The following CNOT1 variants were observed in gnomAD, a reference collection of about 807,000 sequenced individuals.
CNOT1 encodes the protein CCR4-associated factor 1.
A neutral mutation model predicts 273.8 loss-of-function variants in CNOT1; 15 were observed. That is an observed-to-expected ratio of 0.05 (90% confidence interval 0.04 to 0.08). The LOEUF is 0.08. CNOT1 is among the 10% of genes least tolerant of loss of function. The probability of loss-of-function intolerance (pLI) is 1.00; values close to 1 mark genes in which losing one functional copy is unlikely to be tolerated. For missense variants in CNOT1, 1,644 were observed against 2,912.2 expected, an observed-to-expected ratio of 0.56 and a Z score of 10.02; for synonymous variants, 1,022 against 1,005.5, an observed-to-expected ratio of 1.02 and a Z score of -0.31.
intron 44 of CNOT1, among the ~76,000 whole-genome samples, chr16:58,526,459 C>T (rs1255481280): frequency 2.1e-5 from 3 of 141,908 alleles, no homozygotes; most frequent in African/African-American, 8.2e-5. Context: ...CCTCACTCAC[C>T]AAGAGTCTTT....
intron 37 of CNOT1, 24 bp from the exon 38 acceptor site, chr16:58,538,084 T>G: frequency 6.2e-7 from 1 of 1,614,162 alleles, no homozygotes; most frequent in Non-Finnish European, 8.5e-7. Flanking sequence ...AAACATAATG[T>G]GAGAGGGAAA....
intron 22 of CNOT1, among the ~76,000 whole-genome samples, 157 bp from the exon 23 acceptor site, chr16:58,551,976 T>C (rs760592952): frequency 6.6e-6 from 1 of 152,188 alleles, no homozygotes; most frequent in Non-Finnish European, 1.5e-5. Context: ...AATACATAAG[T>C]AGATTCCATG....
At chr16:58,552,190 A>G (rs28530777) in intron 22 of CNOT1, among the ~76,000 whole-genome samples, 6,709 of 152,160 alleles carry the variant, frequency 0.044, 474 homozygotes, top group African/African-American at 0.15. Flanking sequence ...AAACAAAACA[A>G]AAACCATGGT....
intron 2 of CNOT1, among the ~76,000 whole-genome samples, chr16:58,590,641 T>C (rs1475205119): frequency 6.6e-6 from 1 of 151,640 alleles, no homozygotes; most frequent in Non-Finnish European, 1.5e-5. Context: ...GGCTTACACC[T>C]GTAATCCAAA....
chr16:58,520,307 T>A lies in CNOT1; in HGVS notation c.*651A>T, dbSNP rs1458256072. On this transcript the variant is annotated 3_prime_UTR_variant, in exon 49 of 49. Coordinates refer to ENST00000317147, the MANE Select transcript of CNOT1 (RefSeq NM_016284.5). ...TTTATATAAAGAGCTGACCCCCATC[T>A]CAGGCGGCTGAGGTGTATAATCCCC... 1.3e-5 allele frequency: 2 copies of A among 152,282 alleles called. No individual in the cohort carries two copies. Among genetic ancestry groups the A allele is most frequent in the African/African-American group, 4.8e-5 (2 of 41,418 alleles). The allele number at this position is 152,282 out of a possible 1,614,324, so 9.4% of individuals were successfully genotyped here. A position where few individuals can be genotyped will look rare whatever the true frequency, so the allele number is the denominator to read the frequency against.
At chr16:58,605,256 A>G (rs1668034169) in intron 1 of CNOT1, among the ~76,000 whole-genome samples, 1 of 152,136 alleles carries the variant, frequency 6.6e-6, no homozygotes, top group Non-Finnish European at 1.5e-5. Flanking sequence ...TAATCCCAGC[A>G]CTTTGGGAGG....
rs558974370 is a variant in CNOT1 at position 58,568,456 on chromosome 16, C to T, written c.1979+6153G>A. On this transcript the variant is annotated intron_variant, in intron 16 of 48. Transcript: ENST00000317147. ...ATCTCAGCACTTTGGGAGGCCAAGG[C>T]AGGCAGATCACGAGGTCAAGAGATC... 3.9e-5 allele frequency among the ~76,000 whole-genome samples: 6 copies of T among 151,966 alleles called. No individual in the cohort carries two copies. In the East Asian group the frequency reaches 1.2e-3, roughly 29 times the overall value.
intron 33 of CNOT1, 105 bp from the exon 34 acceptor site, chr16:58,541,725 C>A: frequency 1.9e-6 from 2 of 1,077,760 alleles, no homozygotes; most frequent in South Asian, 1.4e-5. Context: ...ACACAAGAGT[C>A]ATTACAACAT....
intron 8 of CNOT1, among the ~76,000 whole-genome samples, chr16:58,584,525 C>A (rs1567423150): frequency 1.3e-5 from 2 of 152,072 alleles, no homozygotes; most frequent in Admixed American, 6.5e-5. Flanking sequence ...TAGACAGGGT[C>A]TTCACCATGT....
At position 58,614,024 on chromosome 16, in the gene CNOT1, G is replaced by A. The variant is rs1361261845; in HGVS notation, c.-174-14513C>T. 2.6e-5 allele frequency among the ~76,000 whole-genome samples: 3 copies of A among 115,292 alleles called. 1 individual carries two copies. Among genetic ancestry groups the A allele is most frequent in the Non-Finnish European group, 4.1e-5 (2 of 48,970 alleles). The allele number at this position is 115,292 out of a possible 152,430, so 75.6% of individuals were successfully genotyped here. A position where few individuals can be genotyped will look rare whatever the true frequency, so the allele number is the denominator to read the frequency against. On this transcript the variant is annotated intron_variant, in intron 1 of 48. Coordinates refer to ENST00000317147, the MANE Select transcript of CNOT1 (RefSeq NM_016284.5). ...GGAGAATGGCGTGAACCCGGGAGGC[G>A]GAGCTTGCAGTGAGCCAAGATCGCG... is the stretch of plus-strand genomic sequence containing the variant.
Position 58,576,316 on chromosome 16 carries a change from T to A in CNOT1, c.1704+147A>T, listed in dbSNP as rs553196871. The A allele has an allele frequency of 3.1e-5, 34 of 1,099,766 alleles. No individual in the cohort carries two copies. In the African/African-American group the frequency reaches 4.9e-4, roughly 16 times the overall value. The allele number at this position is 1,099,766 out of a possible 1,614,324, so 68.1% of individuals were successfully genotyped here. On this transcript the variant is annotated intron_variant, in intron 14 of 48. Coordinates refer to ENST00000317147, the MANE Select transcript of CNOT1 (RefSeq NM_016284.5). ...GTAGAGATGGTGTTTCACCATGTTT[T>A]GGTCAGGCTGGTCTCGAATTCCTGA...
In CNOT1 at chr16:58,541,392, T is replaced by C. The variant is rs972573265; in HGVS notation, c.4800+109A>G. On this transcript the variant is annotated intron_variant, in intron 34 of 48. Transcript: ENST00000317147. ...TACAACTCAAAAACTATAGGTGTTT[T>C]TTCCCCTGTAAATTATTCTCCCAGG... 3.4e-6 allele frequency: 5 copies of C among 1,488,226 alleles called. No homozygotes were observed. The African/African-American group carries it at 5.7e-5, about 17-fold the overall frequency. The allele number at this position is 1,488,226 out of a possible 1,614,324, so 92.2% of individuals were successfully genotyped here.
chr16:58,597,941 G>A (rs1056070553), intron 2 of CNOT1: 12 of 247,554 alleles, frequency 4.8e-5, no homozygotes, highest in African/African-American at 1.6e-4. Flanking sequence ...CATGAAGTTC[G>A]TTGGGGAGCC....
chr16:58,549,296 G>GAAAAAA (rs59714224), intron 25 of CNOT1, among the ~76,000 whole-genome samples: 1 of 119,586 alleles, frequency 8.4e-6, no homozygotes, highest in African/African-American at 3.2e-5. Flanking sequence ...CAAAAAAATT[G>GAAAAAA]AAAAAAAAAA....
At chr16:58,526,607 T>C (rs940911619) in intron 44 of CNOT1, among the ~76,000 whole-genome samples, 9 of 150,114 alleles carry the variant, frequency 6.0e-5, no homozygotes, top group Admixed American at 3.3e-4. Context: ...GCGGATCACC[T>C]GAGGTTGGGA....
At chr16:58,581,674 T>TA (rs1250056775) in intron 10 of CNOT1, among the ~76,000 whole-genome samples, 159 bp from the exon 11 acceptor site, 20 of 151,296 alleles carry the variant, frequency 1.3e-4, no homozygotes, top group African/African-American at 4.6e-4. Flanking sequence ...TTCTTTTTTT[T>TA]TTTTTAAGAC....
At chr16:58,533,887 C>T (rs768719037) in intron 40 of CNOT1, among the ~76,000 whole-genome samples, 13 of 151,870 alleles carry the variant, frequency 8.6e-5, no homozygotes, top group South Asian at 2.1e-4. Flanking sequence ...CCCAGCACTA[C>T]GGGAAGCCAA....
At chr16:58,528,118 A>C (rs896749625) in intron 44 of CNOT1, 2 of 465,300 alleles carry the variant, frequency 4.3e-6, no homozygotes, top group Non-Finnish European at 8.6e-6. Flanking sequence ...GCCTCAAAAA[A>C]AGAAAAAGAT....
At chr16:58,599,908 C>CA (rs2042401584) in intron 1 of CNOT1, among the ~76,000 whole-genome samples, 1 of 151,840 alleles carries the variant, frequency 6.6e-6, no homozygotes, top group Non-Finnish European at 1.5e-5. Context: ...ACTGAAAATA[C>CA]AAAAATTAGC....
Sources: gnomAD v4.1 joint callset for allele counts (sites outside exome capture counted in the v4.1 genomes callset) on GRCh38, gnomAD v4.1.1 for gene constraint, MANE v1.5 for transcripts, NCBI Gene and HGNC (gene_info 2026-07-23, HGNC 2026-07-21) for gene names.